MCMBP: variants seen among roughly 807,000 people sequenced by gnomAD.
MCMBP encodes mini-chromosome maintenance complex-binding protein.
A neutral mutation model predicts 81.3 loss-of-function variants in MCMBP; 31 were observed. The observed-to-expected ratio is 0.38, with a 90% confidence interval of 0.29 to 0.51. The LOEUF is 0.51. Ranked by LOEUF, MCMBP falls within the 20% of genes least tolerant of loss-of-function variation. The pLI is 0.87. For missense variants in MCMBP, 645 were observed against 772.1 expected, an observed-to-expected ratio of 0.84 and a Z score of 1.95; for synonymous variants, 267 against 275.9, an observed-to-expected ratio of 0.97 and a Z score of 0.32.
chr10:119,859,692 C>A, intron 2 of MCMBP, 107 bp downstream of exon 2: 2 of 682,532 alleles, frequency 2.9e-6, no homozygotes, highest in Non-Finnish European at 4.8e-6. Flanking sequence ...AGCAGAAGTA[C>A]ATTAATTTAC....
intron 6 of MCMBP, among the ~76,000 whole-genome samples, chr10:119,851,049 T>A (rs1284659430): frequency 2.6e-5 from 4 of 151,588 alleles, no homozygotes; most frequent in Non-Finnish European, 2.9e-5. Context: ...ATTTTTGTAT[T>A]TTTAGTAGAG....
chr10:119,830,522 T>A lies in MCMBP; in HGVS notation c.*952A>T, dbSNP rs2134325302. 6.6e-6 allele frequency: 1 copy of A among 152,250 alleles called. No homozygotes were observed. The highest frequency in any genetic ancestry group is 3.4e-3 in the Middle Eastern group (1 of 294). The allele number at this position is 152,250 out of a possible 1,614,324, so 9.4% of individuals were successfully genotyped here. The stretch of plus-strand genomic sequence containing the variant: ...AGCAACTCAATGACATTTAAGAAAA[T>A]AAAAACTTTCTAAAGGGGGTATTGC... On this transcript the variant is annotated 3_prime_UTR_variant, in exon 16 of 16. Transcript: ENST00000369077.
At chr10:119,832,698 A>C (rs990905725) in intron 14 of MCMBP, among the ~76,000 whole-genome samples, 1 of 152,092 alleles carries the variant, frequency 6.6e-6, no homozygotes, top group Non-Finnish European at 1.5e-5. Context: ...GGCTCCCTGG[A>C]AGGACCCATT....
intron 9 of MCMBP, chr10:119,843,032 C>A: frequency 4.0e-6 from 2 of 498,094 alleles, no homozygotes; most frequent in Non-Finnish European, 7.3e-6. Context: ...AGATTACAGG[C>A]GTGAGCCACT....
At chr10:119,840,147 C>A (rs764827010) in intron 11 of MCMBP, among the ~76,000 whole-genome samples, 7 of 152,116 alleles carry the variant, frequency 4.6e-5, no homozygotes, top group Non-Finnish European at 1.0e-4. Context: ...ACGTGAAAAA[C>A]AGCTCTTTGA....
chr10:119,842,833 C>T (rs1407063094), intron 9 of MCMBP: 2 of 406,648 alleles, frequency 4.9e-6, no homozygotes, highest in Non-Finnish European at 9.1e-6. Context: ...GGTGCCATCT[C>T]AGCTCACCGC....
At chr10:119,838,191 T>C (rs1852313200) in intron 12 of MCMBP, among the ~76,000 whole-genome samples, 1 of 150,014 alleles carries the variant, frequency 6.7e-6, no homozygotes. Flanking sequence ...ATTATACTAA[T>C]ACTACCCTTT....
intron 6 of MCMBP, among the ~76,000 whole-genome samples, chr10:119,851,317 A>T (rs1852818268): frequency 6.6e-6 from 1 of 152,364 alleles, no homozygotes; most frequent in Non-Finnish European, 1.5e-5. Flanking sequence ...AGCCTGCATT[A>T]AGACATTCAA....
At chr10:119,835,332 T>C (rs532832490) in intron 14 of MCMBP, among the ~76,000 whole-genome samples, 1 of 152,156 alleles carries the variant, frequency 6.6e-6, no homozygotes, top group African/African-American at 2.4e-5. Context: ...ACTAAGAAAA[T>C]AACTTTAAGA....
intron 1 of MCMBP, among the ~76,000 whole-genome samples, chr10:119,864,074 A>G (rs1351820995): frequency 6.6e-6 from 1 of 152,198 alleles, no homozygotes; most frequent in Admixed American, 6.5e-5. Flanking sequence ...AGGATGTGGC[A>G]AAAGAGGAAG....
At chr10:119,865,695 C>T (rs534645760) in intron 1 of MCMBP, among the ~76,000 whole-genome samples, 4 of 152,074 alleles carry the variant, frequency 2.6e-5, no homozygotes, top group Non-Finnish European at 5.9e-5. Context: ...TTATAACAGC[C>T]AGGAAATAAC....
At chr10:119,856,972 C>T (rs560097372) in intron 5 of MCMBP, among the ~76,000 whole-genome samples, 3 of 151,612 alleles carry the variant, frequency 2.0e-5, no homozygotes, top group East Asian at 1.9e-4. Context: ...TGGTGGCACA[C>T]GCTTGTGGTC....
chr10:119,831,752 G>A (rs1852045778), intron 15 of MCMBP, 152 bp from the exon 16 acceptor site: 3 of 987,550 alleles, frequency 3.0e-6, no homozygotes, highest in African/African-American at 3.3e-5. Flanking sequence ...GCCAAGTTAG[G>A]CTTCTAAAAA....
At position 119,867,166 on chromosome 10, in the gene MCMBP, G is replaced by C. The variant is rs188201258; in HGVS notation, c.58+5361C>G. On this transcript the variant is annotated intron_variant, in intron 1 of 15. Transcript: ENST00000369077. ...AAATTAGCCAGGTGTGGTGGTGGTC[G>C]CCTGTAGTCCCAGCTACTCAAGAGG... 2.1e-3 allele frequency among the ~76,000 whole-genome samples: 316 copies of C among 150,926 alleles called. 1 individual carries two copies. Among genetic ancestry groups the C allele is most frequent in the Non-Finnish European group, 3.6e-3 (245 of 67,754 alleles).
At chr10:119,869,183 C>T (rs946688604) in intron 1 of MCMBP, among the ~76,000 whole-genome samples, 3 of 152,210 alleles carry the variant, frequency 2.0e-5, no homozygotes, top group Admixed American at 6.5e-5. Flanking sequence ...CGGTGGCTCA[C>T]GCCTATAATC....
chr10:119,859,189 G>A lies in MCMBP; in HGVS notation c.145-8C>T. ...TTCGTTCAGTGATGGTACCTTAAAG[G>A]AAAATAATCAAGTCAGTCAACTAAA... On this transcript the variant is annotated splice_region_variant and splice_polypyrimidine_tract_variant and intron_variant, in intron 2 of 15. Transcript: ENST00000369077. 1 of 1,609,740 alleles carries A rather than the reference G, an allele frequency of 6.2e-7. No individual in the cohort carries two copies. The highest frequency in any genetic ancestry group is 1.1e-5 in the South Asian group (1 of 90,728).
intron 15 of MCMBP, 47 bp from the exon 16 acceptor site, chr10:119,831,647 A>C (rs763235178): frequency 6.3e-7 from 1 of 1,594,938 alleles, no homozygotes; most frequent in East Asian, 2.2e-5. Flanking sequence ...CTGGGATAGT[A>C]AGTTTTAAAT....
At chr10:119,842,413 G>A (rs548640066) in intron 10 of MCMBP, 59 bp downstream of exon 10, 68 of 1,548,978 alleles carry the variant, frequency 4.4e-5, no homozygotes, top group East Asian at 4.5e-5. Context: ...CAATCTTCCC[G>A]CTCTTCCACT....
At chr10:119,844,861 A>G (rs886685245) in intron 8 of MCMBP, among the ~76,000 whole-genome samples, 3 of 152,126 alleles carry the variant, frequency 2.0e-5, no homozygotes, top group Non-Finnish European at 4.4e-5. Flanking sequence ...GGACTCTTGG[A>G]CCTACACCAG....
Sources: gnomAD v4.1 joint callset for allele counts (sites outside exome capture counted in the v4.1 genomes callset) on GRCh38, gnomAD v4.1.1 for gene constraint, MANE v1.5 for transcripts, NCBI Gene and HGNC (gene_info 2026-07-23, HGNC 2026-07-21) for gene names.